Variants in TLK1 observed in about 807,000 individuals in gnomAD.
TLK1 encodes the protein serine/threonine-protein kinase tousled-like 1.
TLK1 carries 24 observed loss-of-function variants against 105.3 expected under a neutral mutation model. The ratio of observed to expected loss-of-function variants is 0.23; its 90% CI spans 0.17 to 0.32. The LOEUF is 0.32. Ranked by LOEUF, TLK1 falls within the 10% of genes least tolerant of loss-of-function variation. TLK1 has a pLI of 1.00. For synonymous variants in TLK1, 321 were observed against 310.4 expected, an observed-to-expected ratio of 1.03 and a Z score of -0.36; for missense variants, 558 against 910.5, an observed-to-expected ratio of 0.61 and a Z score of 4.98.
In TLK1 at chr2:171,160,217, C is replaced by CGGGGGGGGCG. The variant is rs1450605031; in HGVS notation, c.139+72_139+73insCGCCCCCCCC. The CGGGGGGGGCG allele has an allele frequency of 3.3e-3, 3,160 of 957,658 alleles. 61 individuals are homozygous for CGGGGGGGGCG. In the African/African-American group the frequency reaches 0.052, roughly 16 times the overall value. The allele number at this position is 957,658 out of a possible 1,614,324, so 59.3% of individuals were successfully genotyped here. ...CGGAGAAGCCCCGGGGCGGGGGGGGCGGGGGGGGGGCGCGGGGGTCCGCGG... is the reference window on the plus strand; with the variant it reads ...CGGAGAAGCCCCGGGGCGGGGGGGGCGGGGGGGGCGGGGGGGGGGGCGCGGGGGTCCGCGG... On this transcript the variant is annotated intron_variant, in intron 1 of 20. Transcript: ENST00000431350. The surrounding 1 kb of genome is among the most constrained non-coding windows in gnomAD (Gnocchi z 4.4).
intron 2 of TLK1, among the ~76,000 whole-genome samples, chr2:171,110,412 T>C (rs906987899): frequency 6.6e-6 from 1 of 152,216 alleles, no homozygotes; most frequent in Non-Finnish European, 1.5e-5. Flanking sequence ...GAGGTTGCAG[T>C]GAGCCAAGGT....
chr2:171,077,574 G>C (rs1688568325), intron 3 of TLK1, among the ~76,000 whole-genome samples: 1 of 152,148 alleles, frequency 6.6e-6, no homozygotes, highest in African/African-American at 2.4e-5. Flanking sequence ...TTAAGTCTAA[G>C]TGTCAAATTC....
intron 1 of TLK1, among the ~76,000 whole-genome samples, chr2:171,149,032 T>C (rs1691916677): frequency 6.7e-6 from 1 of 150,164 alleles, no homozygotes; most frequent in African/African-American, 2.4e-5. Context: ...GTCTCATTTC[T>C]TGTCACTATA....
At chr2:171,135,311 GTGTGTGTGTATATATATATATATA>G (rs71013015) in intron 1 of TLK1, among the ~76,000 whole-genome samples, 33,762 of 147,764 alleles carry the variant, frequency 0.23, 4,175 homozygotes, top group Middle Eastern at 0.35. Flanking sequence ...GTTTGTGTGT[GTGTGTGTGTATATATATATATATA>G]TATATATATC....
chr2:171,007,103 A>G (rs1441716929), intron 14 of TLK1, 40 bp from the exon 15 acceptor site: 6 of 1,511,846 alleles, frequency 4.0e-6, no homozygotes, highest in Non-Finnish European at 9.0e-7. Context: ...TGAAAGACCA[A>G]TTGAATAGCT....
At chr2:171,144,804 G>C (rs1691726238) in intron 1 of TLK1, among the ~76,000 whole-genome samples, 1 of 151,794 alleles carries the variant, frequency 6.6e-6, no homozygotes, top group African/African-American at 2.4e-5. Context: ...ACAGAATAGG[G>C]GGAAAAAGTT....
At chr2:171,091,620 T>C (rs1282622401) in intron 2 of TLK1, 2 of 152,138 alleles carry the variant, frequency 1.3e-5, no homozygotes, top group African/African-American at 4.8e-5. Flanking sequence ...ATACCTATAA[T>C]CGAGAAACAA....
Position 171,117,754 on chromosome 2 carries a change from G to A in TLK1, c.243C>T (p.Cys81=). Residue 81 remains cysteine (C), a synonymous_variant, in exon 2 of 21, where the codon TGC becomes TGT. Coordinates refer to ENST00000431350, the MANE Select transcript of TLK1 (RefSeq NM_012290.5). ...TTTTGCTCACTTTAGCTCCAACACT[G>A]CAACTGCCCGTACTTCCAGTGCTCC... ...ASGSTGSTGS[C]SVGAKASTNN... 6.2e-7 allele frequency: 1 copy of A among 1,613,284 alleles called. No individual in the cohort carries two copies. The highest frequency in any genetic ancestry group is 8.5e-7 in the Non-Finnish European group (1 of 1,179,708).
chr2:171,080,319 A>T lies in TLK1; in HGVS notation c.330+2462T>A, dbSNP rs1403069044. Among the ~76,000 whole-genome samples, 8 of 152,082 alleles carry T rather than the reference A, an allele frequency of 5.3e-5. No homozygotes were observed. In the South Asian group the frequency reaches 6.2e-4, roughly 12 times the overall value. On this transcript the variant is annotated intron_variant, in intron 3 of 20. Coordinates refer to ENST00000431350, the MANE Select transcript of TLK1 (RefSeq NM_012290.5). Reference sequence around the variant, plus strand: ...ACCAAAAGAATAGTGACATCAGAAGACAATGAAATACTTCATAAACTTTAC... The same window carrying T: ...ACCAAAAGAATAGTGACATCAGAAGTCAATGAAATACTTCATAAACTTTAC...
At chr2:171,222,759 A>G (rs1575664379) in intron 1 of TLK1, among the ~76,000 whole-genome samples, 1 of 151,868 alleles carries the variant, frequency 6.6e-6, no homozygotes, top group East Asian at 1.9e-4. Context: ...TTCCAATTCT[A>G]CTCTTCTAGT....
chr2:171,091,756 T>G (rs1277772708), intron 2 of TLK1: 1 of 138,446 alleles, frequency 7.2e-6, no homozygotes, highest in Non-Finnish European at 1.6e-5. Context: ...TTGTTGTTGT[T>G]GTTGTTTAGA....
intron 2 of TLK1, among the ~76,000 whole-genome samples, chr2:171,104,021 G>C (rs1347397278): frequency 6.6e-6 from 1 of 152,208 alleles, no homozygotes; most frequent in African/African-American, 2.4e-5. Flanking sequence ...GGGAGCAGTG[G>C]CTCACGCCTG....
chr2:171,167,703 C>T (rs1692635133), intron 1 of TLK1, among the ~76,000 whole-genome samples: 1 of 152,092 alleles, frequency 6.6e-6, no homozygotes, highest in South Asian at 2.1e-4. Flanking sequence ...ACAACAAAAA[C>T]TGGAATTACT....
At chr2:171,061,201 T>C (rs1386073220) in intron 3 of TLK1, 45 bp from the exon 4 acceptor site, 2 of 1,588,732 alleles carry the variant, frequency 1.3e-6, no homozygotes, top group Non-Finnish European at 1.7e-6. Context: ...AGTTTTAATA[T>C]ACAAAATTAT....
chr2:171,192,575 G>C (rs563526966), intron 1 of TLK1, among the ~76,000 whole-genome samples: 1 of 152,300 alleles, frequency 6.6e-6, no homozygotes, highest in African/African-American at 2.4e-5. Flanking sequence ...AGCTACTCGG[G>C]AGGCTGAGAC....
intron 1 of TLK1, among the ~76,000 whole-genome samples, chr2:171,199,903 TA>T (rs1438347095): frequency 6.6e-6 from 1 of 151,982 alleles, no homozygotes; most frequent in Admixed American, 6.6e-5. Context: ...AAGTGTAAGG[TA>T]AAAAAAGAAG....
chr2:171,229,095 T>A (rs1285239040), intron 1 of TLK1, among the ~76,000 whole-genome samples: 1 of 152,220 alleles, frequency 6.6e-6, no homozygotes, highest in Non-Finnish European at 1.5e-5. Flanking sequence ...GTCTTACATC[T>A]TTTGTTTTCC....
At chr2:171,120,811 G>A (rs1437262061) in intron 1 of TLK1, among the ~76,000 whole-genome samples, 7 of 152,138 alleles carry the variant, frequency 4.6e-5, no homozygotes, top group Admixed American at 1.3e-4. Context: ...CAATACAAGC[G>A]AAAGCAATGG....
rs1279369325 is a variant in TLK1 at position 171,160,008 on chromosome 2, C to T, written c.139+282G>A. ...GGGGAGGCTTCCCACCCTCGCAGGACTGGCTCCCAGGAACCCCAGGCGAGT... is the reference window on the plus strand; with the variant it reads ...GGGGAGGCTTCCCACCCTCGCAGGATTGGCTCCCAGGAACCCCAGGCGAGT... On this transcript the variant is annotated intron_variant, in intron 1 of 20. Coordinates refer to ENST00000431350, the MANE Select transcript of TLK1 (RefSeq NM_012290.5). This position sits in a 1 kb window ranked among gnomAD's most constrained non-coding sequence, Gnocchi z 4.4. Among the ~76,000 whole-genome samples the T allele has an allele frequency of 2.0e-5, 3 of 152,186 alleles. No individual in the cohort carries two copies. Among genetic ancestry groups the T allele is most frequent in the Non-Finnish European group, 4.4e-5 (3 of 68,018 alleles).
Sources: allele counts gnomAD v4.1 joint callset (sites outside exome capture counted in the v4.1 genomes callset), GRCh38; gene constraint gnomAD v4.1.1; non-coding constraint Gnocchi (gnomAD v3.1); transcripts MANE v1.5; gene names NCBI Gene and HGNC (gene_info 2026-07-23, HGNC 2026-07-21).